MTSS1: variants seen among roughly 807,000 people sequenced by gnomAD.
MTSS1 encodes the protein MTSS I-BAR domain containing 1.
MTSS1 carries 18 observed loss-of-function variants against 79.0 expected under a neutral mutation model. The ratio of observed to expected loss-of-function variants is 0.23; its 90% CI spans 0.16 to 0.34. MTSS1 has a LOEUF of 0.34. Among genes scored for constraint, MTSS1 ranks in the 10% least tolerant of loss-of-function variants. MTSS1 has a pLI of 1.00. For missense variants in MTSS1, 815 were observed against 986.2 expected, an observed-to-expected ratio of 0.83 and a Z score of 2.33; for synonymous variants, 341 against 368.6, an observed-to-expected ratio of 0.93 and a Z score of 0.86.
chr8:124,696,677 C>A (rs1013098686), intron 3 of MTSS1, among the ~76,000 whole-genome samples: 1 of 151,882 alleles, frequency 6.6e-6, no homozygotes, highest in Admixed American at 6.6e-5. Context: ...ATGACGAAAC[C>A]CTGTCTCTAC....
chr8:124,557,169 A>G (rs1824025377), intron 11 of MTSS1, among the ~76,000 whole-genome samples: 1 of 152,212 alleles, frequency 6.6e-6, no homozygotes, highest in South Asian at 2.1e-4. Flanking sequence ...GTCTGCGTGT[A>G]CTGTTAAGTT....
intron 6 of MTSS1, among the ~76,000 whole-genome samples, chr8:124,575,215 G>A (rs1183797572): frequency 1.3e-5 from 2 of 152,122 alleles, no homozygotes; most frequent in East Asian, 1.9e-4. Flanking sequence ...CCCACAGTGG[G>A]TTTTGACTGA....
intron 3 of MTSS1, among the ~76,000 whole-genome samples, chr8:124,591,865 C>T (rs1457681538): frequency 6.6e-6 from 1 of 152,148 alleles, no homozygotes; most frequent in Non-Finnish European, 1.5e-5. Flanking sequence ...ACTGCAACCT[C>T]TACCTCCTGG....
At chr8:124,570,109 C>A (rs1192966584) in intron 6 of MTSS1, among the ~76,000 whole-genome samples, 2 of 152,190 alleles carry the variant, frequency 1.3e-5, no homozygotes, top group Non-Finnish European at 2.9e-5. Context: ...GGCAATCAGG[C>A]TTAAAGCACA....
At chr8:124,640,416 G>A (rs1021523354) in intron 3 of MTSS1, among the ~76,000 whole-genome samples, 2 of 152,214 alleles carry the variant, frequency 1.3e-5, no homozygotes, top group African/African-American at 2.4e-5. Context: ...GTGGGGATCT[G>A]CTGACTAGAG....
In MTSS1 at chr8:124,727,427, C is replaced by T; in HGVS notation, c.72+457G>A. The T allele has an allele frequency of 2.5e-6, 1 of 408,016 alleles. No individual in the cohort carries two copies. 25.3% of individuals were successfully genotyped at this position (408,016 alleles called of 1,614,324 possible). ...TGGCTTTCCCTCTCAGTCTCCTAGG[C>T]TAGGGGACTCCTTCCTGCGAGCGGG... On this transcript the variant is annotated intron_variant, in intron 1 of 13. Transcript: ENST00000518547. The surrounding 1 kb of genome is among the most constrained non-coding windows in gnomAD (Gnocchi z 4.7).
intron 3 of MTSS1, among the ~76,000 whole-genome samples, chr8:124,690,731 T>C (rs1284925343): frequency 6.6e-6 from 1 of 152,228 alleles, no homozygotes; most frequent in African/African-American, 2.4e-5. Context: ...GGATTCGTTT[T>C]ATCAGCAGTA....
At chr8:124,726,204 T>C (rs1833679449) in intron 1 of MTSS1, among the ~76,000 whole-genome samples, 1 of 152,192 alleles carries the variant, frequency 6.6e-6, no homozygotes, top group South Asian at 2.1e-4. Flanking sequence ...AGCCACAGGA[T>C]GGCAGGTGGA....
At chr8:124,670,898 G>A (rs756018360) in intron 3 of MTSS1, among the ~76,000 whole-genome samples, 10 of 152,244 alleles carry the variant, frequency 6.6e-5, no homozygotes, top group Non-Finnish European at 1.2e-4. Context: ...ACAGAGCCCA[G>A]GAGTGCCAAA....
intron 6 of MTSS1, among the ~76,000 whole-genome samples, chr8:124,581,585 A>G (rs1241753853): frequency 2.6e-5 from 4 of 151,828 alleles, no homozygotes; most frequent in Admixed American, 6.6e-5. Context: ...CCTCCCGAGT[A>G]GCTGGGACTA....
intron 3 of MTSS1, among the ~76,000 whole-genome samples, chr8:124,620,827 AAAG>A (rs1239502245): frequency 6.6e-6 from 1 of 152,236 alleles, no homozygotes. Flanking sequence ...ATTAAATTAA[AAAG>A]AAGAACAATG....
chr8:124,619,932 TTTTTCTTTTC>T (rs138460701), intron 3 of MTSS1, among the ~76,000 whole-genome samples: 3,729 of 149,658 alleles, frequency 0.025, 171 homozygotes, highest in East Asian at 0.14. Flanking sequence ...AGCACAACTG[TTTTTCTTTTC>T]TTTTCTTTTC....
chr8:124,615,047 C>A (rs78302827), intron 3 of MTSS1, among the ~76,000 whole-genome samples: 94 of 152,266 alleles, frequency 6.2e-4, no homozygotes, highest in Admixed American at 2.3e-3. Flanking sequence ...GAAGATGCAG[C>A]GTTCCAGATG....
In MTSS1 at chr8:124,727,789, G is replaced by C; in HGVS notation, c.72+95C>G. 2 of 1,125,082 alleles carry C rather than the reference G, an allele frequency of 1.8e-6. No individual in the cohort carries two copies. Among genetic ancestry groups the C allele is most frequent in the Non-Finnish European group, 2.4e-6 (2 of 827,350 alleles). The allele number at this position is 1,125,082 out of a possible 1,614,324, so 69.7% of individuals were successfully genotyped here. A position where few individuals can be genotyped will look rare whatever the true frequency, so the allele number is the denominator to read the frequency against. Reference sequence around the variant, plus strand: ...AGGTGGCCGGTGGCCACACTGCAGGGAAGGGCCGGGTGCCCGGCCCGGGGT... The same window carrying C: ...AGGTGGCCGGTGGCCACACTGCAGGCAAGGGCCGGGTGCCCGGCCCGGGGT... On this transcript the variant is annotated intron_variant, in intron 1 of 13. Transcript: ENST00000518547. The surrounding 1 kb of genome is among the most constrained non-coding windows in gnomAD (Gnocchi z 4.7).
intron 6 of MTSS1, among the ~76,000 whole-genome samples, chr8:124,573,370 C>T (rs1483816062): frequency 6.6e-6 from 1 of 152,270 alleles, no homozygotes; most frequent in Admixed American, 6.5e-5. Flanking sequence ...GCTTCTCTTA[C>T]TTGATCTCTG....
At chr8:124,568,847 AAC>A (rs1247581807) in intron 6 of MTSS1, 3 of 1,435,732 alleles carry the variant, frequency 2.1e-6, no homozygotes, top group Admixed American at 5.7e-5. Context: ...ACAACCCTGG[AAC>A]ACAGAGCCAG....
chr8:124,570,317 G>GT (rs1240036507), intron 6 of MTSS1, among the ~76,000 whole-genome samples: 1 of 151,868 alleles, frequency 6.6e-6, no homozygotes. Context: ...TGTGTAGATA[G>GT]TATGTATCTA....
At chr8:124,663,543 G>A (rs572650541) in intron 3 of MTSS1, among the ~76,000 whole-genome samples, 152 of 151,534 alleles carry the variant, frequency 1.0e-3, no homozygotes, top group African/African-American at 3.2e-3. Context: ...GAGTAGAACC[G>A]TCCCACCTCC....
intron 3 of MTSS1, among the ~76,000 whole-genome samples, chr8:124,671,031 C>T (rs193283529): frequency 1.9e-4 from 18 of 93,552 alleles, no homozygotes; most frequent in Admixed American, 1.1e-3. Context: ...TCTTCTAGAA[C>T]ATTTTTCTTT....
Sources: gnomAD v4.1 joint callset for allele counts (sites outside exome capture counted in the v4.1 genomes callset) on GRCh38, gnomAD v4.1.1 for gene constraint, Gnocchi (gnomAD v3.1) non-coding constraint, MANE v1.5 for transcripts, NCBI Gene and HGNC (gene_info 2026-07-23, HGNC 2026-07-21) for gene names.